The following SPEG variants were observed in gnomAD, a reference collection of about 807,000 sequenced individuals.
The protein encoded by SPEG is striated muscle preferentially expressed protein kinase.
A neutral mutation model predicts 300.4 loss-of-function variants in SPEG; 114 were observed. The ratio of observed to expected loss-of-function variants is 0.38; its 90% CI spans 0.33 to 0.44. The LOEUF (loss-of-function observed/expected upper bound fraction) is 0.44, where lower values mean the gene tolerates loss of function less well. SPEG is among the 20% of genes least tolerant of loss of function. SPEG has a pLI of 1.00. For synonymous variants in SPEG, 1,964 were observed against 2,018.9 expected, an observed-to-expected ratio of 0.97 and a Z score of 0.73; for missense variants, 4,201 against 4,586.2, an observed-to-expected ratio of 0.92 and a Z score of 2.43.
chr2:219,484,487 G>A lies in SPEG; in HGVS notation c.7024G>A (p.Glu2342Lys), dbSNP rs938901169. The A allele has an allele frequency of 6.2e-7, 1 of 1,608,890 alleles. No individual in the cohort carries two copies. Among genetic ancestry groups the A allele is most frequent in the Non-Finnish European group, 8.5e-7 (1 of 1,179,034 alleles). Residue 2342 changes from glutamate (E) to lysine (K), a missense_variant, in exon 30 of 41, where the codon GAG becomes AAG. Around this residue, in one of 4 missense-constraint regions of SPEG, gnomAD observed 1,578 missense variants for 1,506.0 expected, o/e 1.05. Coordinates refer to ENST00000312358, the MANE Select transcript of SPEG (RefSeq NM_005876.5). ...VFEAKFKRSR[E>K]SPLSLGLRLL... Reference sequence around the variant, plus strand: ...CGAGGCCAAGTTCAAGCGCAGCCGCGAGTCGCCCCTGTCGCTGGGGCTGCG... The same window carrying A: ...CGAGGCCAAGTTCAAGCGCAGCCGCAAGTCGCCCCTGTCGCTGGGGCTGCG...
chr2:219,476,279 G>A (rs1283759482), intron 18 of SPEG, among the ~76,000 whole-genome samples: 1 of 152,120 alleles, frequency 6.6e-6, no homozygotes, highest in Non-Finnish European at 1.5e-5. Flanking sequence ...ATTAATAGAA[G>A]CCCCTCTAAA....
rs113172171 is a variant in SPEG, at chr2:219,463,940, G to A, written c.2706-493G>A. 9.5e-3 allele frequency among the ~76,000 whole-genome samples: 1,444 copies of A among 152,034 alleles called. 24 individuals carry two copies. Among genetic ancestry groups the A allele is most frequent in the African/African-American group, 0.033 (1,367 of 41,480 alleles). On this transcript the variant is annotated intron_variant, in intron 8 of 40. Transcript: ENST00000312358. ...AGTTCAAGACCAGCGTGGACAACATGGTGAAACCCTGTATCTACAAAAAAT... is the reference window on the plus strand; with the variant it reads ...AGTTCAAGACCAGCGTGGACAACATAGTGAAACCCTGTATCTACAAAAAAT...
Position 219,448,404 on chromosome 2 carries a change from C to A in SPEG, c.1246C>A (p.Arg416Ser). The A allele has an allele frequency of 6.5e-7, 1 of 1,530,886 alleles. No individual in the cohort carries two copies. Among genetic ancestry groups the A allele is most frequent in the Non-Finnish European group, 8.7e-7 (1 of 1,143,726 alleles). 94.8% of individuals were successfully genotyped at this position (1,530,886 alleles called of 1,614,324 possible). ...CGAGGAGCGACGGCGCAGCCTGGAG[C>A]GCAGCGACTCGCCGCCGGCGCCCCT... ...FFEERRRSLE[R>S]SDSPPAPLRP... Residue 416 changes from arginine (R) to serine (S), a missense_variant, in exon 4 of 41, where the codon CGC becomes AGC. Around this residue, in one of 4 missense-constraint regions of SPEG, gnomAD observed 1,258 missense variants for 1,293.9 expected, o/e 0.97. Transcript: ENST00000312358.
At chr2:219,488,357 C>G (rs1369252513) in intron 32 of SPEG, 47 bp downstream of exon 32, 1 of 1,546,020 alleles carries the variant, frequency 6.5e-7, no homozygotes, top group Non-Finnish European at 8.8e-7. Context: ...GCAAGTGGCC[C>G]TGAGCCCAGG....
At position 219,477,849 on chromosome 2, in the gene SPEG, G is replaced by A; in HGVS notation, c.4827-56G>A. ...GGCTGCTGGGTCTGAGGGTTGGGAG[G>A]GGTGGAGAGGGCCACAGTGATGGCT... On this transcript the variant is annotated intron_variant, in intron 21 of 40. Transcript: ENST00000312358. The surrounding 1 kb of genome is among the most constrained non-coding windows in gnomAD (Gnocchi z 6.4). 1.3e-6 allele frequency: 2 copies of A among 1,599,298 alleles called. No individual in the cohort carries two copies. Among genetic ancestry groups the A allele is most frequent in the East Asian group, 2.2e-5 (1 of 44,642 alleles).
intron 6 of SPEG, chr2:219,461,007 G>A (rs1329203115): frequency 3.2e-6 from 3 of 936,058 alleles, no homozygotes; most frequent in Middle Eastern, 5.4e-4. Flanking sequence ...GTGAGTTGGG[G>A]TACAGCCCTG....
intron 4 of SPEG, 152 bp downstream of exon 4, chr2:219,449,423 A>C: frequency 1.8e-6 from 1 of 545,762 alleles, no homozygotes; most frequent in Non-Finnish European, 2.9e-6. Context: ...GAAGGCACAG[A>C]CACAGGCTCG....
chr2:219,489,036 C>G lies in SPEG; in HGVS notation c.8150-18C>G. ...CACCGCTTCTGTGACCTCAGCCCCT[C>G]CCCCATACTGCCTATAGGGGAGTCT... On this transcript the variant is annotated intron_variant, in intron 34 of 40. Transcript: ENST00000312358. 2 of 1,613,036 alleles carry G rather than the reference C, an allele frequency of 1.2e-6. No homozygotes were observed. The highest frequency in any genetic ancestry group is 1.7e-6 in the Non-Finnish European group (2 of 1,179,570).
intron 6 of SPEG, chr2:219,461,416 G>T (rs1021416433): frequency 1.5e-5 from 15 of 1,017,600 alleles, no homozygotes; most frequent in African/African-American, 1.7e-5. Context: ...TCTGCGGTGT[G>T]TGTTCCTCTG....
At chr2:219,485,214 G>C in intron 30 of SPEG, 132 bp from the exon 31 acceptor site, 9 of 1,484,480 alleles carry the variant, frequency 6.1e-6, no homozygotes, top group Non-Finnish European at 8.2e-6. Context: ...GGCTGGAGGG[G>C]AGGAAAGCAG....
Position 219,449,183 on chromosome 2 carries a change from G to C in SPEG, c.2025G>C (p.Glu675Asp), listed in dbSNP as rs767806642. 63 of 1,395,636 alleles carry C rather than the reference G, an allele frequency of 4.5e-5. No homozygotes were observed. The highest frequency in any genetic ancestry group is 4.7e-5 in the Non-Finnish European group (50 of 1,075,194). 86.5% of individuals were successfully genotyped at this position (1,395,636 alleles called of 1,614,324 possible). A position where few individuals can be genotyped will look rare whatever the true frequency, so the allele number is the denominator to read the frequency against. The stretch of plus-strand genomic sequence containing the variant: ...AGAAGAGGCTTCGCAGAGGGCCGGA[G>C]GAGGACGGTCCCTGGGGGCCCTGGG... The part of the protein sequence containing the change: ...EAEKRLRRGP[E>D]EDGPWGPWDR... The change falls in exon 4 of 41, where the codon GAG becomes GAC. Residue 675 changes from glutamate (E) to aspartate (D), a missense_variant. Around this residue, in one of 4 missense-constraint regions of SPEG, gnomAD observed 1,258 missense variants for 1,293.9 expected, o/e 0.97. Coordinates refer to ENST00000312358, the MANE Select transcript of SPEG (RefSeq NM_005876.5).
At position 219,483,270 on chromosome 2, in the gene SPEG, C is replaced by T. The variant is rs1482633633; in HGVS notation, c.5807C>T (p.Pro1936Leu). The change falls in exon 30 of 41, where the codon CCC becomes CTC. Residue 1936 changes from proline (P) to leucine (L), a missense_variant. Physicochemically the swap from Pro to Leu is moderately conservative, Grantham distance 98. Transcript: ENST00000312358. Reference sequence around the variant, plus strand: ...GAGCTGGAAGAGCTGCCCTCAGTGCCCCGCCCACTGCAGCCCGAGTTCTCT... The same window carrying T: ...GAGCTGGAAGAGCTGCCCTCAGTGCTCCGCCCACTGCAGCCCGAGTTCTCT... ...EEELEELPSV[P>L]RPLQPEFSGS... The T allele has an allele frequency of 6.2e-7, 1 of 1,608,944 alleles. No individual in the cohort carries two copies. The highest frequency in any genetic ancestry group is 1.7e-5 in the Admixed American group (1 of 59,554).
At chr2:219,486,666 T>TCCGCTCC (rs1265666574) in intron 31 of SPEG, among the ~76,000 whole-genome samples, 1 of 152,072 alleles carries the variant, frequency 6.6e-6, no homozygotes, top group Non-Finnish European at 1.5e-5. Flanking sequence ...CCTTACCTCA[T>TCCGCTCC]CCGCTCCCCG....
rs1692660333 is a variant in SPEG, at chr2:219,479,751, C to A, written c.5086-32C>A. 8 of 1,607,338 alleles carry A rather than the reference C, an allele frequency of 5.0e-6. No homozygotes were observed. The highest frequency in any genetic ancestry group is 6.8e-6 in the Non-Finnish European group (8 of 1,174,418). On this transcript the variant is annotated intron_variant, in intron 23 of 40. Coordinates refer to ENST00000312358, the MANE Select transcript of SPEG (RefSeq NM_005876.5). The surrounding 1 kb of genome is among the most constrained non-coding windows in gnomAD (Gnocchi z 5.5). ...GGTGTTCAGACATACACCACCCTTC[C>A]CCCTCAGACTCTGGGCCCACTATTT... is the stretch of plus-strand genomic sequence containing the variant.
intron 18 of SPEG, among the ~76,000 whole-genome samples, chr2:219,476,201 A>G (rs543925394): frequency 2.0e-5 from 3 of 150,576 alleles, no homozygotes; most frequent in African/African-American, 7.3e-5. Context: ...AGATACTGAG[A>G]GTCCATTTCT....
chr2:219,482,954 C>T, intron 29 of SPEG, 102 bp downstream of exon 29: 1 of 1,406,454 alleles, frequency 7.1e-7, no homozygotes, highest in Non-Finnish European at 9.9e-7. Flanking sequence ...TGTCTTCTCG[C>T]TTTCACTGGC....
chr2:219,490,463 C>T lies in SPEG; in HGVS notation c.8976C>T (p.Phe2992=), dbSNP rs201500512. The change falls in exon 37 of 41, where the codon TTC becomes TTT. Residue 2992 remains phenylalanine (F), a synonymous_variant. Transcript: ENST00000312358. ...GGGAGAATGCCACGGGGCGAACGTT[C>T]GTGGCCAAGATCGTGCCCTATGCTG... ...ACRENATGRT[F]VAKIVPYAAE... 2.5e-5 allele frequency: 41 copies of T among 1,613,300 alleles called. No homozygotes were observed. The highest frequency in any genetic ancestry group is 2.5e-4 in the East Asian group (11 of 44,890).
intron 6 of SPEG, among the ~76,000 whole-genome samples, chr2:219,454,704 C>T (rs779881631): frequency 9.9e-5 from 15 of 152,182 alleles, no homozygotes; most frequent in Non-Finnish European, 1.3e-4. Flanking sequence ...TTAGCACTTG[C>T]CATCTGCCTA....
Position 219,492,872 on chromosome 2 carries a change from C to A in SPEG, c.*86C>A, listed in dbSNP as rs1078212. ...ATTCCAGGGCCCACGCTGAGCCAGG[C>A]GGGCCTGGGGCTTCGGTTACCACCA... On this transcript the variant is annotated 3_prime_UTR_variant, in exon 41 of 41. Transcript: ENST00000312358. The A allele has an allele frequency of 0.35, 484,912 of 1,392,764 alleles. 86,572 individuals are homozygous for A. Among genetic ancestry groups the A allele is most frequent in the South Asian group, 0.49 (39,368 of 81,168 alleles). 86.3% of individuals were successfully genotyped at this position (1,392,764 alleles called of 1,614,324 possible).
Sources: gnomAD v4.1 joint callset for allele counts (sites outside exome capture counted in the v4.1 genomes callset) on GRCh38, gnomAD v4.1.1 for gene constraint, gnomAD v4.1.1 regional missense constraint, Gnocchi (gnomAD v3.1) non-coding constraint, MANE v1.5 for transcripts, NCBI Gene and HGNC (gene_info 2026-07-23, HGNC 2026-07-21) for gene names.